AK5: variants seen among roughly 807,000 people sequenced by gnomAD.
AK5 encodes adenylate kinase isoenzyme 5.
In AK5, 27 loss-of-function variants were observed where a neutral mutation model predicts 69.5. That is an observed-to-expected ratio of 0.39 (90% CI 0.29 to 0.54). The LOEUF (loss-of-function observed/expected upper bound fraction) is 0.54. AK5 is among the 20% of genes least tolerant of loss of function. The pLI, the probability that AK5 is intolerant of heterozygous loss-of-function variation, is 0.71. For synonymous variants in AK5, 260 were observed against 244.4 expected (o/e 1.06, Z -0.60); for missense variants, 531 against 700.4 (o/e 0.76, Z 2.73).
chr1:77,493,113 A>G (rs1235458698), intron 10 of AK5, among the ~76,000 whole-genome samples: 1 of 152,166 alleles, frequency 6.6e-6, no homozygotes, highest in Admixed American at 6.5e-5. Context: ...TAGCTGGTAG[A>G]GCATTATTTC....
intron 12 of AK5, among the ~76,000 whole-genome samples, chr1:77,523,511 A>G (rs1658109649): frequency 6.6e-6 from 1 of 152,150 alleles, no homozygotes; most frequent in Admixed American, 6.5e-5. Flanking sequence ...TCTACTTTTT[A>G]AATAATTGTG....
chr1:77,325,343 G>A (rs559471731), intron 5 of AK5, among the ~76,000 whole-genome samples: 24 of 152,012 alleles, frequency 1.6e-4, no homozygotes, highest in African/African-American at 4.8e-4. Context: ...TTATATTTCT[G>A]GTAGTAGTAG....
At chr1:77,406,534 TC>T (rs1557567094) in intron 6 of AK5, among the ~76,000 whole-genome samples, 1 of 141,476 alleles carries the variant, frequency 7.1e-6, no homozygotes. Flanking sequence ...TCCTGTTTTT[TC>T]CCCCTTGCTT....
At position 77,301,455 on chromosome 1, in the gene AK5, G is replaced by T. The variant is rs184140576; in HGVS notation, c.699+3508G>T. ...GTCCAGCTGGGCAGCCAGGTGCCTG[G>T]CAGCAATGCTATTACTATGGAAGTC... On this transcript the variant is annotated intron_variant, in intron 5 of 13. Transcript: ENST00000354567. Among the ~76,000 whole-genome samples, 645 of 152,298 alleles carry T rather than the reference G, an allele frequency of 4.2e-3. 2 individuals are homozygous for T. Among genetic ancestry groups the T allele is most frequent in the Admixed American group, 0.013 (192 of 15,298 alleles).
chr1:77,370,631 A>T (rs758210721), intron 6 of AK5, among the ~76,000 whole-genome samples: 33 of 152,354 alleles, frequency 2.2e-4, no homozygotes, highest in South Asian at 4.1e-4. Flanking sequence ...TGGACATGAC[A>T]TTCTTCCTCT....
chr1:77,368,332 ATATAT>A (rs1647056307), intron 6 of AK5, among the ~76,000 whole-genome samples: 1 of 129,914 alleles, frequency 7.7e-6, no homozygotes, highest in Admixed American at 8.9e-5. Context: ...TATATATGTT[ATATAT>A]GTTATATATA....
At chr1:77,416,202 T>C (rs1650416956) in intron 7 of AK5, among the ~76,000 whole-genome samples, 1 of 152,182 alleles carries the variant, frequency 6.6e-6, no homozygotes, top group Admixed American at 6.6e-5. Flanking sequence ...GTAGAAAAAT[T>C]ATGTATAATC....
intron 6 of AK5, among the ~76,000 whole-genome samples, chr1:77,406,246 G>A (rs1649624085): frequency 7.8e-6 from 1 of 128,108 alleles, no homozygotes. Context: ...ATCAAGCAAT[G>A]AAGTGGTCCC....
intron 10 of AK5, among the ~76,000 whole-genome samples, chr1:77,490,095 T>C (rs1655885875): frequency 6.6e-6 from 1 of 152,246 alleles, no homozygotes; most frequent in African/African-American, 2.4e-5. Context: ...GAATAATGAA[T>C]TCTTTAAGAA....
chr1:77,305,126 G>A (rs888937891), intron 5 of AK5, among the ~76,000 whole-genome samples: 1 of 152,084 alleles, frequency 6.6e-6, no homozygotes, highest in African/African-American at 2.4e-5. Flanking sequence ...TTTGCCATTT[G>A]TATATTGTCT....
intron 6 of AK5, among the ~76,000 whole-genome samples, chr1:77,398,384 C>T (rs1648970056): frequency 6.6e-6 from 1 of 152,102 alleles, no homozygotes; most frequent in Non-Finnish European, 1.5e-5. Context: ...ACCAATGTCA[C>T]ATGAGGCTGA....
chr1:77,536,079 C>T, intron 13 of AK5, 41 bp downstream of exon 13: 13 of 1,263,192 alleles, frequency 1.0e-5, no homozygotes, highest in South Asian at 1.5e-5. Context: ...AGCCGCTTAC[C>T]TTTTTTTTTT....
intron 10 of AK5, among the ~76,000 whole-genome samples, chr1:77,510,749 T>C (rs927833882): frequency 2.0e-5 from 3 of 152,044 alleles, no homozygotes; most frequent in Admixed American, 1.3e-4. Context: ...CAGCTGCTAT[T>C]ATAAAGTGTC....
chr1:77,462,737 C>G (rs1452545345), intron 8 of AK5, among the ~76,000 whole-genome samples: 1 of 152,066 alleles, frequency 6.6e-6, no homozygotes, highest in African/African-American at 2.4e-5. Context: ...GCCTCAATTT[C>G]AAAATTATAA....
chr1:77,498,457 G>A (rs1656491201), intron 10 of AK5, among the ~76,000 whole-genome samples: 1 of 152,280 alleles, frequency 6.6e-6, no homozygotes. Context: ...TAAAGAGGGA[G>A]GCATTACAGG....
intron 8 of AK5, among the ~76,000 whole-genome samples, chr1:77,428,845 C>T (rs1651395354): frequency 6.6e-6 from 1 of 151,896 alleles, no homozygotes; most frequent in African/African-American, 2.4e-5. Flanking sequence ...TGAGTGAGAA[C>T]ATGCGGTGTT....
intron 5 of AK5, among the ~76,000 whole-genome samples, chr1:77,312,905 G>T (rs1000173208): frequency 7.9e-5 from 12 of 151,894 alleles, no homozygotes; most frequent in African/African-American, 2.9e-4. Flanking sequence ...GAGTGGTTTC[G>T]TGTCCCCAGC....
At chr1:77,546,947 C>T (rs568827642) in intron 13 of AK5, among the ~76,000 whole-genome samples, 10 of 152,302 alleles carry the variant, frequency 6.6e-5, no homozygotes, top group East Asian at 5.8e-4. Context: ...CACGTGAAAG[C>T]GCCAGGAATG....
rs116129177 is a variant in AK5, at chr1:77,436,510, T to A, written c.1059+18795T>A. The stretch of plus-strand genomic sequence containing the variant: ...TGTGTATTAATGAACCCAAATATAT[T>A]TGTTTTTCTATAAAATTTAAGAAGC... On this transcript the variant is annotated intron_variant, in intron 8 of 13. Coordinates refer to ENST00000354567, the MANE Select transcript of AK5 (RefSeq NM_174858.3). Among the ~76,000 whole-genome samples the A allele has an allele frequency of 7.4e-3, 1,131 of 151,866 alleles. 5 individuals carry two copies. The highest frequency in any genetic ancestry group is 0.012 in the Non-Finnish European group (784 of 67,864).
Sources: allele counts gnomAD v4.1 joint callset (sites outside exome capture counted in the v4.1 genomes callset), GRCh38; gene constraint gnomAD v4.1.1; transcripts MANE v1.5; gene names NCBI Gene and HGNC (gene_info 2026-07-23, HGNC 2026-07-21).